The following MIER2 variants were observed in gnomAD, a reference collection of about 807,000 sequenced individuals.
The protein encoded by MIER2 is MIER family member 2, also known as mesoderm induction early response protein 2.
MIER2 carries 30 observed loss-of-function variants against 67.6 expected under a neutral mutation model. The ratio of observed to expected loss-of-function variants is 0.44; its 90% CI spans 0.33 to 0.60. The LOEUF is 0.60. Among genes scored for constraint, MIER2 ranks in the 20% least tolerant of loss-of-function variants. The pLI is 0.02. For missense variants in MIER2, 702 were observed against 745.1 expected, an observed-to-expected ratio of 0.94 and a Z score of 0.67; for synonymous variants, 372 against 312.6, an observed-to-expected ratio of 1.19 and a Z score of -2.00.
At chr19:311,422 C>T (rs1460872382) in intron 10 of MIER2, among the ~76,000 whole-genome samples, 2 of 152,130 alleles carry the variant, frequency 1.3e-5, no homozygotes, top group Admixed American at 1.3e-4. Context: ...GGGTTTGTCC[C>T]GGGTGGCAGG....
At chr19:337,806 C>A (rs4897953) in intron 1 of MIER2, among the ~76,000 whole-genome samples, 1 of 141,318 alleles carries the variant, frequency 7.1e-6, no homozygotes, top group African/African-American at 2.6e-5. Context: ...GAGGCGGAGG[C>A]TGCAGTGAGC....
rs913252269 is a variant in MIER2, at chr19:306,307, G to A, written c.*383C>T. On this transcript the variant is annotated 3_prime_UTR_variant, in exon 14 of 14. Transcript: ENST00000264819. ...TGGTGCGGGGCAGGGCGTCCTGCCCGTCTCCCCGCCGGGGCAGTGACGCCT... is the reference window on the plus strand; with the variant it reads ...TGGTGCGGGGCAGGGCGTCCTGCCCATCTCCCCGCCGGGGCAGTGACGCCT... The A allele has an allele frequency of 4.0e-5, 11 of 277,868 alleles. No homozygotes were observed. The highest frequency in any genetic ancestry group is 1.8e-4 in the African/African-American group (8 of 44,546). The allele number at this position is 277,868 out of a possible 1,614,324, so 17.2% of individuals were successfully genotyped here.
At chr19:306,956 C>G (rs1970678349) in intron 13 of MIER2, among the ~76,000 whole-genome samples, 163 bp downstream of exon 13, 1 of 152,232 alleles carries the variant, frequency 6.6e-6, no homozygotes, top group Non-Finnish European at 1.5e-5. Flanking sequence ...AAAATACATA[C>G]AAGTAAAGAA....
At chr19:310,357 C>G (rs1342796360) in intron 10 of MIER2, among the ~76,000 whole-genome samples, 1 of 152,244 alleles carries the variant, frequency 6.6e-6, no homozygotes, top group South Asian at 2.1e-4. Context: ...CAGGGCAAAC[C>G]TCAAACGCAC....
intron 3 of MIER2, 67 bp downstream of exon 3, chr19:334,332 CA>C (rs1972144836): frequency 6.3e-7 from 1 of 1,597,716 alleles, no homozygotes; most frequent in Admixed American, 1.7e-5. Flanking sequence ...CTGAGCTGCA[CA>C]AAACTCATGA....
intron 1 of MIER2, among the ~76,000 whole-genome samples, 159 bp downstream of exon 1, chr19:344,615 G>A (rs1285261295): frequency 6.8e-6 from 1 of 147,244 alleles, no homozygotes; most frequent in Non-Finnish European, 1.5e-5. Flanking sequence ...ATGGAGCCCC[G>A]CGCCCCTCCG....
At chr19:325,164 G>A (rs1160448566) in intron 7 of MIER2, among the ~76,000 whole-genome samples, 8 of 152,262 alleles carry the variant, frequency 5.3e-5, no homozygotes, top group African/African-American at 1.9e-4. Context: ...AGGGGCAAGA[G>A]AGGGTCGATT....
chr19:332,766 T>TA (rs1972086719), intron 3 of MIER2, among the ~76,000 whole-genome samples: 1 of 83,034 alleles, frequency 1.2e-5, no homozygotes, highest in Non-Finnish European at 2.3e-5. Flanking sequence ...TTTCATGTAA[T>TA]AAAAAAGCAA....
In MIER2 at chr19:341,862, G is replaced by A. The variant is rs548633303; in HGVS notation, c.9+2912C>T. Among the ~76,000 whole-genome samples the A allele has an allele frequency of 1.4e-4, 21 of 152,250 alleles. 1 individual carries two copies. The highest frequency in any genetic ancestry group is 4.6e-4 in the African/African-American group (19 of 41,542). ...ACCAGGGTCTTCAGGCAGTAGAAGC[G>A]GCAGCCAGCTACTCAACATAAAGAC... On this transcript the variant is annotated intron_variant, in intron 1 of 13. Coordinates refer to ENST00000264819, the MANE Select transcript of MIER2 (RefSeq NM_017550.3).
intron 7 of MIER2, among the ~76,000 whole-genome samples, chr19:316,297 A>ATT (rs112050180): frequency 0.12 from 17,060 of 148,198 alleles, 1,369 homozygotes; most frequent in African/African-American, 0.22. Flanking sequence ...TGATATGTAG[A>ATT]TTTTTTTTTT....
At chr19:338,935 C>T (rs1490720924) in intron 1 of MIER2, among the ~76,000 whole-genome samples, 1 of 151,962 alleles carries the variant, frequency 6.6e-6, no homozygotes, top group Non-Finnish European at 1.5e-5. Flanking sequence ...AATATAAGAG[C>T]CAAAACCACA....
At chr19:325,374 A>G (rs1195180891) in intron 7 of MIER2, among the ~76,000 whole-genome samples, 1 of 152,088 alleles carries the variant, frequency 6.6e-6, no homozygotes, top group Admixed American at 6.5e-5. Flanking sequence ...GCTGGGTCAG[A>G]GGCAGGACGG....
intron 6 of MIER2, among the ~76,000 whole-genome samples, chr19:326,139 C>T (rs1450646333): frequency 1.3e-5 from 2 of 152,198 alleles, no homozygotes; most frequent in African/African-American, 4.8e-5. Flanking sequence ...GAGGGCAGAG[C>T]CATGGGAGGG....
intron 3 of MIER2, among the ~76,000 whole-genome samples, chr19:332,164 C>T (rs1972058096): frequency 1.3e-5 from 2 of 152,006 alleles, no homozygotes; most frequent in Admixed American, 6.6e-5. Flanking sequence ...GGACTACAGA[C>T]GTGCACCACC....
chr19:308,611 G>A lies in MIER2; in HGVS notation c.1164C>T (p.Arg388=), dbSNP rs772938723. Residue 388 remains arginine (R), a synonymous_variant, in exon 12 of 14, where the codon CGC becomes CGT. Coordinates refer to ENST00000264819, the MANE Select transcript of MIER2 (RefSeq NM_017550.3). The surrounding 1 kb of genome is among the most constrained non-coding windows in gnomAD (Gnocchi z 9.1). ...TCCCAGTCAGGGTGTCTTGCTCCGGGCGCGGACGGCCGGGGCCATCGGGGT... is the reference window on the plus strand; with the variant it reads ...TCCCAGTCAGGGTGTCTTGCTCCGGACGCGGACGGCCGGGGCCATCGGGGT... ...GSDPDGPGRP[R]PEQDTLTGMR... The A allele has an allele frequency of 6.2e-7, 1 of 1,607,116 alleles. No homozygotes were observed. Among genetic ancestry groups the A allele is most frequent in the Non-Finnish European group, 8.5e-7 (1 of 1,178,088 alleles).
At chr19:335,220 C>T (rs1972186307) in intron 2 of MIER2, among the ~76,000 whole-genome samples, 4 of 152,252 alleles carry the variant, frequency 2.6e-5, no homozygotes. Context: ...AGACAGAGAG[C>T]AGTGTAGGCC....
At chr19:328,379 T>C (rs1284467121) in intron 3 of MIER2, among the ~76,000 whole-genome samples, 1 of 151,438 alleles carries the variant, frequency 6.6e-6, no homozygotes, top group African/African-American at 2.4e-5. Context: ...GGAAAAAAGT[T>C]ATCTGAAAAA....
At chr19:313,790 T>C (rs72984433) in intron 7 of MIER2, 147 bp from the exon 8 acceptor site, 133,267 of 1,137,646 alleles carry the variant, frequency 0.12, 10,213 homozygotes, top group African/African-American at 0.33. Context: ...GCCATCCCTG[T>C]GCTCCTCCTG....
rs758622816 is a variant in MIER2 at position 327,159 on chromosome 19, G to A, written c.467C>T (p.Ser156Phe). 3 of 1,590,118 alleles carry A rather than the reference G, an allele frequency of 1.9e-6. No homozygotes were observed. Among genetic ancestry groups the A allele is most frequent in the Non-Finnish European group, 2.6e-6 (3 of 1,173,502 alleles). The change falls in exon 5 of 14, where the codon TCC (serine) becomes TTC (phenylalanine). Residue 156 changes from serine to phenylalanine, a missense_variant. By Grantham distance (155) the Ser-to-Phe change is radical. This residue lies in a region of MIER2 where 320 missense variants were observed against 292.6 expected (regional missense o/e 1.09). Coordinates refer to ENST00000264819, the MANE Select transcript of MIER2 (RefSeq NM_017550.3). ...TCCACTCCGGTTAGGGAAGAGGTCG[G>A]AGGCCTCGTGGGAGGTCACGGACGG... is the stretch of plus-strand genomic sequence containing the variant. ...LTPSVTSHEA[S>F]DLFPNRSGSR... is the part of the protein sequence containing the mutation.
Sources: allele counts gnomAD v4.1 joint callset (sites outside exome capture counted in the v4.1 genomes callset), GRCh38; gene constraint gnomAD v4.1.1; regional missense constraint gnomAD v4.1.1; non-coding constraint Gnocchi (gnomAD v3.1); transcripts MANE v1.5; gene names NCBI Gene and HGNC (gene_info 2026-07-23, HGNC 2026-07-21).